DAB1: variants seen among roughly 807,000 people sequenced by gnomAD.
DAB1 encodes the protein disabled homolog 1.
In DAB1, 15 loss-of-function variants were observed where a neutral mutation model predicts 64.6. The observed-to-expected ratio is 0.23, with a 90% CI of 0.16 to 0.36. The LOEUF (loss-of-function observed/expected upper bound fraction) is 0.36. Ranked by LOEUF, DAB1 falls within the 10% of genes least tolerant of loss-of-function variation. DAB1 has a pLI of 1.00. For synonymous variants in DAB1, 235 were observed against 251.9 expected (o/e 0.93, Z 0.64); for missense variants, 596 against 706.7 (o/e 0.84, Z 1.78).
At chr1:58,028,308 A>T (rs183267690) in intron 5 of DAB1, among the ~76,000 whole-genome samples, 92 of 152,366 alleles carry the variant, frequency 6.0e-4, no homozygotes, top group South Asian at 3.5e-3. Context: ...GTTTCTGTTT[A>T]AAGACATCTT....
chr1:57,891,559 G>A (rs905192035), intron 5 of DAB1, among the ~76,000 whole-genome samples: 3 of 152,128 alleles, frequency 2.0e-5, no homozygotes, highest in African/African-American at 7.2e-5. Flanking sequence ...ACATGCACAC[G>A]TATGTTTATT....
chr1:58,424,423 T>A (rs978935600), intron 3 of DAB1, among the ~76,000 whole-genome samples: 1 of 152,168 alleles, frequency 6.6e-6, no homozygotes, highest in Non-Finnish European at 1.5e-5. Context: ...AACTGACACA[T>A]AAAATGAACC....
chr1:58,538,348 T>C (rs1371593303), intron 1 of DAB1, among the ~76,000 whole-genome samples: 1 of 152,220 alleles, frequency 6.6e-6, no homozygotes, highest in African/African-American at 2.4e-5. Flanking sequence ...CCCACCCTTA[T>C]ATAAGCAAAG....
At chr1:57,819,477 T>C (rs1308976081) in intron 6 of DAB1, among the ~76,000 whole-genome samples, 2 of 152,172 alleles carry the variant, frequency 1.3e-5, no homozygotes, top group Admixed American at 1.3e-4. Flanking sequence ...GTGGAGGAAG[T>C]GGAAACAGTT....
chr1:57,341,429 G>A (rs991581639), intron 1 of DAB1, among the ~76,000 whole-genome samples: 3 of 152,114 alleles, frequency 2.0e-5, no homozygotes, highest in Non-Finnish European at 2.9e-5. Context: ...CCTACCCTAT[G>A]CCTATAAACA....
At chr1:57,263,178 C>A (rs1670323293) in intron 2 of DAB1, among the ~76,000 whole-genome samples, 2 of 151,488 alleles carry the variant, frequency 1.3e-5, no homozygotes, top group African/African-American at 4.9e-5. Context: ...TGCAATGGCA[C>A]AATCTCGGCT....
intron 1 of DAB1, among the ~76,000 whole-genome samples, chr1:57,855,290 T>G (rs2101933130): frequency 6.6e-6 from 1 of 152,318 alleles, no homozygotes; most frequent in South Asian, 2.1e-4. Context: ...CTCATTCATT[T>G]ACTCATTCAA....
chr1:57,332,363 C>CCTCA (rs142994420), intron 1 of DAB1, among the ~76,000 whole-genome samples: 17,051 of 152,158 alleles, frequency 0.11, 1,154 homozygotes, highest in African/African-American at 0.18. Context: ...AGAGACCCAT[C>CCTCA]CTCACTATGC....
At chr1:58,363,016 C>T (rs145181584) in intron 3 of DAB1, among the ~76,000 whole-genome samples, 11 of 152,312 alleles carry the variant, frequency 7.2e-5, no homozygotes, top group Middle Eastern at 3.4e-3. Context: ...GCTCACATGG[C>T]AGATAAAGAC....
intron 5 of DAB1, among the ~76,000 whole-genome samples, chr1:58,083,831 A>G (rs1026799420): frequency 1.2e-4 from 18 of 152,218 alleles, no homozygotes; most frequent in Admixed American, 3.9e-4. Context: ...AGAGTAGTCA[A>G]TGGTGTCCGG....
intron 6 of DAB1, among the ~76,000 whole-genome samples, chr1:57,771,413 A>T (rs1432316292): frequency 6.6e-6 from 1 of 152,154 alleles, no homozygotes; most frequent in Non-Finnish European, 1.5e-5. Context: ...TCCTAACAGG[A>T]AAGTGCTCTG....
chr1:57,760,627 CACACACACACACACAG>C (rs1312152272), intron 6 of DAB1, among the ~76,000 whole-genome samples: 3 of 58,482 alleles, frequency 5.1e-5, no homozygotes, highest in Non-Finnish European at 1.1e-4. Context: ...CTCTCACACA[CACACACACACACACAG>C]ACACACACAC....
In DAB1 at chr1:58,512,221, G is replaced by A. The variant is rs192377283; in HGVS notation, n.108-6012C>T. On this transcript the variant is annotated intron_variant and non_coding_transcript_variant, in intron 2 of 20. Coordinates refer to the DAB1 transcript ENST00000485760. ...ATGAAATATTACCTTACACCTGTTA[G>A]GTTATCTATCATTGAAAAAAAGAGA... Among the ~76,000 whole-genome samples, 128 of 152,214 alleles carry A rather than the reference G, an allele frequency of 8.4e-4. 1 individual carries two copies. The East Asian group carries it at 0.011, about 14-fold the overall frequency.
intron 9 of DAB1, among the ~76,000 whole-genome samples, chr1:57,043,992 C>G (rs1648140582): frequency 6.6e-6 from 1 of 152,232 alleles, no homozygotes; most frequent in Non-Finnish European, 1.5e-5. Context: ...CTACCATGTT[C>G]TCCCTTCATG....
intron 2 of DAB1, among the ~76,000 whole-genome samples, chr1:57,236,224 G>A (rs1166292759): frequency 6.6e-6 from 1 of 152,136 alleles, no homozygotes; most frequent in Non-Finnish European, 1.5e-5. Context: ...CTTGGTGCAG[G>A]ATCTGTTTAT....
chr1:57,326,781 A>C (rs1009344668), intron 1 of DAB1, among the ~76,000 whole-genome samples: 1 of 152,064 alleles, frequency 6.6e-6, no homozygotes. Flanking sequence ...CCATCATGAG[A>C]GTACCATCCT....
intron 7 of DAB1, among the ~76,000 whole-genome samples, chr1:57,438,691 T>C (rs1195994933): frequency 6.6e-6 from 1 of 152,158 alleles, no homozygotes; most frequent in African/African-American, 2.4e-5. Context: ...TAACATCCCT[T>C]TATCTTCTGG....
chr1:58,070,960 C>T (rs1360696036), intron 5 of DAB1, among the ~76,000 whole-genome samples: 2 of 152,140 alleles, frequency 1.3e-5, no homozygotes, highest in Non-Finnish European at 2.9e-5. Flanking sequence ...CACAAGTTTC[C>T]CCTGGAGCTC....
At chr1:58,498,349 A>C (rs1645840341) in intron 3 of DAB1, among the ~76,000 whole-genome samples, 1 of 152,066 alleles carries the variant, frequency 6.6e-6, no homozygotes, top group African/African-American at 2.4e-5. Flanking sequence ...TAAATGGCTC[A>C]TGAGAGGTTT....
Sources: gnomAD v4.1 joint callset for allele counts (sites outside exome capture counted in the v4.1 genomes callset) on GRCh38, gnomAD v4.1.1 for gene constraint, MANE v1.5 for transcripts, NCBI Gene and HGNC (gene_info 2026-07-23, HGNC 2026-07-21) for gene names.